Variants in MAGI3 observed in about 807,000 individuals in gnomAD.
The protein encoded by MAGI3 is membrane-associated guanylate kinase, WW and PDZ domain-containing protein 3.
In MAGI3, 43 loss-of-function variants were observed where a neutral mutation model predicts 121.8. The ratio of observed to expected loss-of-function variants is 0.35; its 90% confidence interval spans 0.28 to 0.46. The LOEUF is 0.46. Ranked by LOEUF, MAGI3 falls within the 20% of genes least tolerant of loss-of-function variation. The probability of loss-of-function intolerance (pLI) is 1.00; values close to 1 mark genes in which losing one functional copy is unlikely to be tolerated. For synonymous variants in MAGI3, 553 were observed against 639.3 expected, an observed-to-expected ratio of 0.86 and a Z score of 2.04; for missense variants, 1,547 against 1,797.3, an observed-to-expected ratio of 0.86 and a Z score of 2.52.
At position 113,391,112 on chromosome 1, in the gene MAGI3, G is replaced by A; in HGVS notation, c.79G>A (p.Gly27Ser). Residue 27 changes from glycine (G) to serine (S), a missense_variant, in exon 1 of 21, where the codon GGC becomes AGC. Gly to Ser is a moderately conservative substitution (Grantham distance 56, BLOSUM62 0). Transcript: ENST00000307546. The surrounding 1 kb of genome is among the most constrained non-coding windows in gnomAD (Gnocchi z 4.4). ...CGCCGTGTCCTGGGCCGGGCCCCCG[G>A]GCGACTTCGGCGCGGAGATCCGCGG... The part of the protein sequence containing the change: ...ECAVSWAGPP[G>S]DFGAEIRGGA... 1 of 1,577,556 alleles carries A rather than the reference G, an allele frequency of 6.3e-7. No individual in the cohort carries two copies. The highest frequency in any genetic ancestry group is 1.2e-5 in the South Asian group (1 of 86,310).
intron 1 of MAGI3, among the ~76,000 whole-genome samples, chr1:113,457,491 GT>G (rs1654815194): frequency 6.6e-6 from 1 of 152,108 alleles, no homozygotes; most frequent in Non-Finnish European, 1.5e-5. Flanking sequence ...GAGAATGGAG[GT>G]CATGTGCTGC....
chr1:113,449,360 G>GGTGT (rs71087199), intron 1 of MAGI3, among the ~76,000 whole-genome samples: 7,298 of 147,130 alleles, frequency 0.05, 244 homozygotes, highest in African/African-American at 0.096. Flanking sequence ...TTACTTTTAT[G>GGTGT]GTGTGTGTGT....
chr1:113,416,187 AAT>A (rs1359959885), intron 1 of MAGI3, among the ~76,000 whole-genome samples: 7 of 38,724 alleles, frequency 1.8e-4, no homozygotes, highest in African/African-American at 1.1e-3. Flanking sequence ...GACACATATT[AAT>A]TATGTAATTA....
At chr1:113,488,617 C>T (rs114744147) in intron 1 of MAGI3, among the ~76,000 whole-genome samples, 3,536 of 152,314 alleles carry the variant, frequency 0.023, 134 homozygotes, top group African/African-American at 0.081. Context: ...TGGCAACTTA[C>T]TCAGCTGGCA....
chr1:113,562,091 A>G (rs539470900), intron 2 of MAGI3, among the ~76,000 whole-genome samples: 1 of 152,350 alleles, frequency 6.6e-6, no homozygotes, highest in South Asian at 2.1e-4. Context: ...GGAGAACTAC[A>G]AACGACTGCT....
chr1:113,645,084 G>T (rs1303338202), intron 11 of MAGI3, among the ~76,000 whole-genome samples: 1 of 148,436 alleles, frequency 6.7e-6, no homozygotes, highest in South Asian at 2.2e-4. Context: ...GAATGCAGTG[G>T]TGTGATTTTG....
chr1:113,508,602 C>G lies in MAGI3; in HGVS notation c.317-40913C>G, dbSNP rs964486835. On this transcript the variant is annotated intron_variant, in intron 1 of 20. Coordinates refer to ENST00000307546, the MANE Select transcript of MAGI3 (RefSeq NM_001142782.2). ...AGAAAGAACAGAATTGGATAGAGAACCATTTGGGAAATGGGAGAGATGTGA... is the reference window on the plus strand; with the variant it reads ...AGAAAGAACAGAATTGGATAGAGAAGCATTTGGGAAATGGGAGAGATGTGA... Among the ~76,000 whole-genome samples the G allele has an allele frequency of 3.9e-5, 6 of 152,296 alleles. No homozygotes were observed. In the South Asian group the frequency reaches 1.2e-3, roughly 32 times the overall value.
chr1:113,636,577 A>C (rs1168302255), intron 9 of MAGI3, among the ~76,000 whole-genome samples: 1 of 152,036 alleles, frequency 6.6e-6, no homozygotes, highest in Non-Finnish European at 1.5e-5. Flanking sequence ...GTTTGATTGC[A>C]CTGTGGTCTG....
At chr1:113,452,673 A>G (rs1000701290) in intron 1 of MAGI3, among the ~76,000 whole-genome samples, 3 of 152,148 alleles carry the variant, frequency 2.0e-5, no homozygotes, top group African/African-American at 7.2e-5. Context: ...CCACAAATGC[A>G]GTTGTTGTTT....
At chr1:113,439,883 TCGAACCA>T (rs1413365808) in intron 1 of MAGI3, among the ~76,000 whole-genome samples, 1 of 150,978 alleles carries the variant, frequency 6.6e-6, no homozygotes. Flanking sequence ...GAGCCAGGAC[TCGAACCA>T]AGGCCTGTTT....
intron 16 of MAGI3, among the ~76,000 whole-genome samples, chr1:113,669,539 T>G (rs773837065): frequency 6.6e-5 from 10 of 152,178 alleles, no homozygotes; most frequent in Non-Finnish European, 1.5e-4. Context: ...TGTTTTTGTT[T>G]GTTAGTTTGA....
intron 9 of MAGI3, among the ~76,000 whole-genome samples, chr1:113,638,077 C>G (rs190294678): frequency 6.6e-6 from 1 of 152,340 alleles, no homozygotes; most frequent in East Asian, 1.9e-4. Flanking sequence ...GCTTTCAGCT[C>G]CATCAGCTCC....
chr1:113,478,374 C>A (rs1655951990), intron 1 of MAGI3, among the ~76,000 whole-genome samples: 1 of 152,150 alleles, frequency 6.6e-6, no homozygotes, highest in Non-Finnish European at 1.5e-5. Context: ...GTTTTATCTA[C>A]CTTTGGTCTT....
At chr1:113,647,643 T>TCTACCTTGGAAAAGATATGTACAA in intron 12 of MAGI3, among the ~76,000 whole-genome samples, 1 of 152,184 alleles carries the variant, frequency 6.6e-6, no homozygotes, top group Non-Finnish European at 1.5e-5. Flanking sequence ...GAGATGTAAA[T>TCTACCTTGGAAAAGATATGTACAA]CTACCTTGGA....
chr1:113,581,340 T>C (rs1648010070), intron 3 of MAGI3, among the ~76,000 whole-genome samples: 2 of 152,136 alleles, frequency 1.3e-5, no homozygotes, highest in African/African-American at 4.8e-5. Context: ...TTACTTGATA[T>C]TATCTTCAGT....
chr1:113,653,727 A>G, intron 14 of MAGI3, 103 bp from the exon 15 acceptor site: 1 of 1,029,460 alleles, frequency 9.7e-7, no homozygotes, highest in Non-Finnish European at 1.4e-6. Context: ...TCTTTATGTT[A>G]TTAGAAACTG....
At chr1:113,404,619 G>GTT (rs1370219806) in intron 1 of MAGI3, among the ~76,000 whole-genome samples, 4 of 152,162 alleles carry the variant, frequency 2.6e-5, no homozygotes, top group African/African-American at 9.7e-5. Flanking sequence ...TATGGTGGTA[G>GTT]TTGTTGGCAT....
At chr1:113,528,816 C>T (rs1195445185) in intron 1 of MAGI3, among the ~76,000 whole-genome samples, 3 of 152,162 alleles carry the variant, frequency 2.0e-5, no homozygotes, top group Non-Finnish European at 4.4e-5. Context: ...AGTGTTAATA[C>T]TATAAGCATA....
chr1:113,584,250 G>T (rs926405829), intron 3 of MAGI3, among the ~76,000 whole-genome samples: 3 of 152,072 alleles, frequency 2.0e-5, no homozygotes, highest in African/African-American at 7.2e-5. Flanking sequence ...AATGTCAAAA[G>T]TAGTAGGAAC....
Sources: gnomAD v4.1 joint callset for allele counts (sites outside exome capture counted in the v4.1 genomes callset) on GRCh38, gnomAD v4.1.1 for gene constraint, Gnocchi (gnomAD v3.1) non-coding constraint, MANE v1.5 for transcripts, NCBI Gene and HGNC (gene_info 2026-07-23, HGNC 2026-07-21) for gene names.